The following NCOA1 variants were observed in gnomAD, a reference collection of about 807,000 sequenced individuals.
NCOA1 encodes nuclear receptor coactivator 1.
A neutral mutation model predicts 150.9 loss-of-function variants in NCOA1; 35 were observed. The observed-to-expected ratio is 0.23, with a 90% CI of 0.18 to 0.31. The LOEUF (loss-of-function observed/expected upper bound fraction) is 0.31. Among genes scored for constraint, NCOA1 ranks in the 10% least tolerant of loss-of-function variants. The pLI is 1.00. For missense variants in NCOA1, 1,491 were observed against 1,749.3 expected (o/e 0.85, Z 2.63); for synonymous variants, 590 against 630.0 (o/e 0.94, Z 0.95).
intron 21 of NCOA1, among the ~76,000 whole-genome samples, chr2:24,759,346 T>G (rs1664661461): frequency 6.6e-6 from 1 of 152,194 alleles, no homozygotes; most frequent in South Asian, 2.1e-4. Flanking sequence ...AAAAGAACAT[T>G]CAAGATTGGT....
At chr2:24,598,047 C>T (rs1049089413) in intron 3 of NCOA1, among the ~76,000 whole-genome samples, 4 of 151,942 alleles carry the variant, frequency 2.6e-5, no homozygotes, top group Non-Finnish European at 5.9e-5. Flanking sequence ...TTTGTTCTTG[C>T]GATAGTTTGC....
At chr2:24,508,161 A>G (rs183827575) in intron 1 of NCOA1, among the ~76,000 whole-genome samples, 1 of 152,264 alleles carries the variant, frequency 6.6e-6, no homozygotes, top group Non-Finnish European at 1.5e-5. Context: ...CTTTCTTTTA[A>G]GCTTTAATTA....
At chr2:24,699,298 A>G (rs1673043811) in intron 11 of NCOA1, among the ~76,000 whole-genome samples, 1 of 152,158 alleles carries the variant, frequency 6.6e-6, no homozygotes, top group African/African-American at 2.4e-5. Context: ...ATTTACGTAC[A>G]TTTTCACTAA....
intron 3 of NCOA1, among the ~76,000 whole-genome samples, chr2:24,616,313 ATAGTTT>A (rs1668869703): frequency 6.6e-6 from 1 of 152,214 alleles, no homozygotes; most frequent in African/African-American, 2.4e-5. Flanking sequence ...ACCATAGTAC[ATAGTTT>A]TAATTTGATA....
chr2:24,587,012 A>G (rs2148324345), intron 3 of NCOA1, among the ~76,000 whole-genome samples: 1 of 152,146 alleles, frequency 6.6e-6, no homozygotes, highest in South Asian at 2.1e-4. Context: ...CTCAGGACAG[A>G]AGGACAGGTT....
At chr2:24,635,632 T>G (rs867562941) in intron 3 of NCOA1, among the ~76,000 whole-genome samples, 1 of 152,174 alleles carries the variant, frequency 6.6e-6, no homozygotes, top group African/African-American at 2.4e-5. Context: ...TGGATGACTA[T>G]CTTTGCCATA....
chr2:24,702,812 T>C (rs1673228559), intron 11 of NCOA1, among the ~76,000 whole-genome samples: 1 of 152,132 alleles, frequency 6.6e-6, no homozygotes. Context: ...CAAAATGGGA[T>C]TCCAAAACTA....
intron 3 of NCOA1, among the ~76,000 whole-genome samples, chr2:24,628,726 T>TGG (rs1437081021): frequency 5.9e-5 from 9 of 152,128 alleles, no homozygotes; most frequent in African/African-American, 1.7e-4. Context: ...GAATAGGAAT[T>TGG]GGATAGATGA....
chr2:24,747,391 G>A (rs1352646349), intron 19 of NCOA1, among the ~76,000 whole-genome samples: 3 of 142,308 alleles, frequency 2.1e-5, no homozygotes, highest in African/African-American at 8.0e-5. Context: ...CAGGAGTGGC[G>A]TGATCATGGC....
intron 4 of NCOA1, among the ~76,000 whole-genome samples, chr2:24,648,565 C>A (rs1300942486): frequency 4.6e-5 from 7 of 152,168 alleles, no homozygotes; most frequent in Non-Finnish European, 1.0e-4. Flanking sequence ...GCAACTGCAC[C>A]CAGCCCTCAT....
rs372893943 is a variant in NCOA1, at chr2:24,704,969, A to G, written c.950-117A>G. 8.9e-4 allele frequency: 877 copies of G among 982,436 alleles called. 14 individuals are homozygous for G. In the South Asian group the frequency reaches 0.015, roughly 17 times the overall value. 60.9% of individuals were successfully genotyped at this position (982,436 alleles called of 1,614,324 possible). On this transcript the variant is annotated intron_variant, in intron 11 of 22. Coordinates refer to ENST00000348332, the MANE Select transcript of NCOA1 (RefSeq NM_003743.5). Reference sequence around the variant, plus strand: ...ACTATTCTTTATTCTGAGTCTAAGCAGGCAACAGTTGGGAGGGCCTTTAAA... The same window carrying G: ...ACTATTCTTTATTCTGAGTCTAAGCGGGCAACAGTTGGGAGGGCCTTTAAA...
intron 19 of NCOA1, among the ~76,000 whole-genome samples, chr2:24,749,843 C>T (rs2148675839): frequency 6.6e-6 from 1 of 152,078 alleles, no homozygotes; most frequent in Non-Finnish European, 1.5e-5. Context: ...ATCAGCCAAT[C>T]AAAAATTCAG....
At chr2:24,518,951 T>TG (rs1167663063) in intron 1 of NCOA1, among the ~76,000 whole-genome samples, 1 of 152,194 alleles carries the variant, frequency 6.6e-6, no homozygotes, top group Non-Finnish European at 1.5e-5. Flanking sequence ...AGGAATTTTT[T>TG]GGTACTAGTT....
At chr2:24,621,547 A>G (rs55861560) in intron 3 of NCOA1, among the ~76,000 whole-genome samples, 5,878 of 133,146 alleles carry the variant, frequency 0.044, 202 homozygotes, top group East Asian at 0.22. Flanking sequence ...GCTCACTGCA[A>G]CCTCCACCTC....
chr2:24,736,160 G>C (rs1421670368), intron 17 of NCOA1, among the ~76,000 whole-genome samples: 1 of 151,310 alleles, frequency 6.6e-6, no homozygotes, highest in East Asian at 1.9e-4. Flanking sequence ...GGTGGAGGTT[G>C]CAGTGAGCTG....
Position 24,707,389 on chromosome 2 carries a change from C to T in NCOA1, c.1919C>T (p.Thr640Ile). 1 of 1,614,194 alleles carries T rather than the reference C, an allele frequency of 6.2e-7. No homozygotes were observed. Among genetic ancestry groups the T allele is most frequent in the East Asian group, 2.2e-5 (1 of 44,888 alleles). Residue 640 changes from threonine to isoleucine, a missense_variant, in exon 13 of 23, where the codon ACT (threonine) becomes ATT (isoleucine). By Grantham distance (89) the Thr-to-Ile change is moderately conservative. This residue lies in a region of NCOA1 where 703 missense variants were observed against 717.7 expected (regional missense o/e 0.98). Transcript: ENST00000348332. ...SHKLVQLLTT[T>I]AEQQLRHADI... ...AAACTAGTGCAGCTTTTGACAACAA[C>T]TGCCGAACAGCAGTTACGGCATGCT... is the stretch of plus-strand genomic sequence containing the variant.
chr2:24,639,444 T>C (rs1353847758), intron 3 of NCOA1, among the ~76,000 whole-genome samples: 1 of 152,168 alleles, frequency 6.6e-6, no homozygotes, highest in African/African-American at 2.4e-5. Context: ...TTGATCAATC[T>C]TGCTAAAGTT....
intron 2 of NCOA1, among the ~76,000 whole-genome samples, chr2:24,569,689 G>C (rs1666660435): frequency 6.7e-6 from 1 of 149,120 alleles, no homozygotes; most frequent in East Asian, 2.0e-4. Context: ...GGCCAATGTG[G>C]TGAAACCACG....
intron 1 of NCOA1, chr2:24,554,658 A>T (rs1665997080): frequency 6.6e-6 from 1 of 152,244 alleles, no homozygotes; most frequent in South Asian, 2.1e-4. Flanking sequence ...CTCACACGAC[A>T]GCTGAATCCT....
Sources: allele counts gnomAD v4.1 joint callset (sites outside exome capture counted in the v4.1 genomes callset), GRCh38; gene constraint gnomAD v4.1.1; regional missense constraint gnomAD v4.1.1; transcripts MANE v1.5; gene names NCBI Gene and HGNC (gene_info 2026-07-23, HGNC 2026-07-21).